Variants in TRERF1 observed in about 807,000 individuals in gnomAD.
The protein encoded by TRERF1 is transcriptional regulating factor 1.
A neutral mutation model predicts 122.9 loss-of-function variants in TRERF1; 27 were observed. The ratio of observed to expected loss-of-function variants is 0.22; its 90% confidence interval spans 0.16 to 0.30. The LOEUF is 0.30. Among genes scored for constraint, TRERF1 ranks in the 10% least tolerant of loss-of-function variants. The probability of loss-of-function intolerance (pLI) is 1.00; values close to 1 mark genes in which losing one functional copy is unlikely to be tolerated. For missense variants in TRERF1, 1,248 were observed against 1,560.3 expected, an observed-to-expected ratio of 0.80 and a Z score of 3.37; for synonymous variants, 636 against 641.7, an observed-to-expected ratio of 0.99 and a Z score of 0.13.
chr6:42,365,166 C>T (rs539346288), intron 2 of TRERF1, among the ~76,000 whole-genome samples: 3 of 152,076 alleles, frequency 2.0e-5, no homozygotes, highest in African/African-American at 7.2e-5. Flanking sequence ...CAAGTGCGGG[C>T]GTGGCCCTGA....
At chr6:42,258,440 G>A (rs1462156367) in intron 9 of TRERF1, among the ~76,000 whole-genome samples, 2 of 152,166 alleles carry the variant, frequency 1.3e-5, no homozygotes, top group Non-Finnish European at 2.9e-5. Flanking sequence ...TCTGCTAAGC[G>A]GTATGATTTC....
At position 42,275,274 on chromosome 6, in the gene TRERF1, G is replaced by C. The variant is rs191866376; in HGVS notation, c.-258-5426C>G. ...TCATTATGTGTAACAATTTCTACTG[G>C]GTAATTTGTACCAGGAGCTTTTTCA... On this transcript the variant is annotated intron_variant, in intron 4 of 17. Transcript: ENST00000372922. The surrounding 1 kb of genome is among the most constrained non-coding windows in gnomAD (Gnocchi z 4.1). Among the ~76,000 whole-genome samples the C allele has an allele frequency of 2.0e-5, 3 of 152,122 alleles. No individual in the cohort carries two copies. Among genetic ancestry groups the C allele is most frequent in the Non-Finnish European group, 4.4e-5 (3 of 68,022 alleles).
At chr6:42,419,464 C>T (rs568094735) in intron 2 of TRERF1, among the ~76,000 whole-genome samples, 1 of 152,188 alleles carries the variant, frequency 6.6e-6, no homozygotes, top group Non-Finnish European at 1.5e-5. Context: ...CCATGCGACT[C>T]ACAAAATTAA....
chr6:42,228,490 A>G lies in TRERF1; in HGVS notation c.3458T>C (p.Ile1153Thr), dbSNP rs752956073. Residue 1153 changes from isoleucine to threonine, a missense_variant, in exon 18 of 18, where the codon ATC (isoleucine) becomes ACC (threonine). By Grantham distance (89) the Ile-to-Thr change is moderately conservative. Coordinates refer to ENST00000372922, the Ensembl canonical transcript of TRERF1. This position sits in a 1 kb window ranked among gnomAD's most constrained non-coding sequence, Gnocchi z 4.2. ...GATGTCCACATCCTTGATGGGTTTGATCAGACTCAGCTGGTCCAGGGGCAG... is the reference window on the plus strand; with the variant it reads ...GATGTCCACATCCTTGATGGGTTTGGTCAGACTCAGCTGGTCCAGGGGCAG... 6.2e-7 allele frequency: 1 copy of G among 1,614,166 alleles called. No homozygotes were observed. Among genetic ancestry groups the G allele is most frequent in the Non-Finnish European group, 8.5e-7 (1 of 1,180,028 alleles).
intron 2 of TRERF1, among the ~76,000 whole-genome samples, chr6:42,437,934 A>C (rs1011504058): frequency 2.6e-5 from 4 of 151,746 alleles, no homozygotes; most frequent in African/African-American, 7.3e-5. Context: ...TTTATTATTT[A>C]TTTTTGAGAC....
At chr6:42,363,885 G>C (rs1772243112) in intron 2 of TRERF1, among the ~76,000 whole-genome samples, 1 of 152,182 alleles carries the variant, frequency 6.6e-6, no homozygotes. Context: ...GCAGCCTCCA[G>C]AGCTGTGAGA....
intron 2 of TRERF1, among the ~76,000 whole-genome samples, chr6:42,406,630 G>A (rs1021169997): frequency 1.3e-5 from 2 of 152,132 alleles, no homozygotes; most frequent in African/African-American, 4.8e-5. Context: ...CTCAACAAAT[G>A]CTGCCTCTCT....
At chr6:42,350,617 T>G (rs1769241041) in intron 3 of TRERF1, among the ~76,000 whole-genome samples, 5 of 152,128 alleles carry the variant, frequency 3.3e-5, no homozygotes, top group Admixed American at 1.3e-4. Flanking sequence ...TGATGACGAG[T>G]TTAAACCCCC....
intron 15 of TRERF1, among the ~76,000 whole-genome samples, chr6:42,237,922 T>A (rs148352465): frequency 6.6e-6 from 1 of 152,218 alleles, no homozygotes; most frequent in African/African-American, 2.4e-5. Context: ...AAGAAATGGC[T>A]TCAGTTTCCA....
Position 42,276,596 on chromosome 6 carries a change from G to A in TRERF1, c.-258-6748C>T, listed in dbSNP as rs1246255405. Among the ~76,000 whole-genome samples, 3 of 152,194 alleles carry A rather than the reference G, an allele frequency of 2.0e-5. No homozygotes were observed. The highest frequency in any genetic ancestry group is 7.2e-5 in the African/African-American group (3 of 41,454). On this transcript the variant is annotated intron_variant, in intron 4 of 17. Coordinates refer to ENST00000372922, the Ensembl canonical transcript of TRERF1. This position sits in a 1 kb window ranked among gnomAD's most constrained non-coding sequence, Gnocchi z 4.3. The stretch of plus-strand genomic sequence containing the variant: ...AGTTCGCCGTCTTCTTTTTAGCACC[G>A]TTGTTGTTCTAAATGCTTTCTGATT...
chr6:42,386,615 C>T (rs58174635), intron 2 of TRERF1, among the ~76,000 whole-genome samples: 13,946 of 152,156 alleles, frequency 0.092, 960 homozygotes, highest in African/African-American at 0.19. Context: ...CAGGTCTGTG[C>T]AGCAACAAGA....
chr6:42,260,977 G>A (rs923560338), intron 8 of TRERF1, among the ~76,000 whole-genome samples: 2 of 152,096 alleles, frequency 1.3e-5, no homozygotes, highest in African/African-American at 2.4e-5. Flanking sequence ...AGGGGGCAGA[G>A]GGTCCCAGGC....
chr6:42,340,725 T>C (rs1465235011), intron 3 of TRERF1, among the ~76,000 whole-genome samples: 9 of 152,180 alleles, frequency 5.9e-5, no homozygotes, highest in Non-Finnish European at 4.4e-5. Flanking sequence ...CTCAGCCTCC[T>C]GAGTAGCTGC....
At chr6:42,409,190 G>T (rs1407076931) in intron 2 of TRERF1, among the ~76,000 whole-genome samples, 2 of 152,066 alleles carry the variant, frequency 1.3e-5, no homozygotes, top group African/African-American at 4.8e-5. Context: ...GAGGTGGGAA[G>T]ATTGCCTGCG....
intron 2 of TRERF1, among the ~76,000 whole-genome samples, chr6:42,400,277 G>A (rs981036470): frequency 9.8e-5 from 15 of 152,298 alleles, no homozygotes; most frequent in Non-Finnish European, 1.8e-4. Flanking sequence ...GGTCTCGTAC[G>A]GCTCCATGTG....
intron 2 of TRERF1, among the ~76,000 whole-genome samples, chr6:42,417,024 C>T (rs527403589): frequency 5.3e-5 from 8 of 152,266 alleles, no homozygotes; most frequent in Non-Finnish European, 8.8e-5. Context: ...CAGGACAACG[C>T]CCAGCCAGCC....
At chr6:42,326,742 G>A (rs970082602) in intron 3 of TRERF1, among the ~76,000 whole-genome samples, 5 of 152,200 alleles carry the variant, frequency 3.3e-5, no homozygotes, top group African/African-American at 1.2e-4. Flanking sequence ...AAAAATGATA[G>A]AAAGCAAAAC....
intron 2 of TRERF1, among the ~76,000 whole-genome samples, chr6:42,406,743 C>T (rs1780234944): frequency 6.6e-6 from 1 of 152,076 alleles, no homozygotes; most frequent in African/African-American, 2.4e-5. Context: ...TTGCTGCCTT[C>T]TCATGACACT....
At chr6:42,325,483 T>C (rs1232768872) in intron 3 of TRERF1, among the ~76,000 whole-genome samples, 2 of 152,196 alleles carry the variant, frequency 1.3e-5, no homozygotes, top group Non-Finnish European at 1.5e-5. Flanking sequence ...TTCTTCATAA[T>C]AGCAAAGACA....
Sources: gnomAD v4.1 joint callset for allele counts (sites outside exome capture counted in the v4.1 genomes callset) on GRCh38, gnomAD v4.1.1 for gene constraint, Gnocchi (gnomAD v3.1) non-coding constraint, MANE v1.5 for transcripts, NCBI Gene and HGNC (gene_info 2026-07-23, HGNC 2026-07-21) for gene names.